ANKS1B: variants seen among roughly 807,000 people sequenced by gnomAD.
ANKS1B encodes ankyrin repeat and sterile alpha motif domain containing 1B, also known as ankyrin repeat and sterile alpha motif domain-containing protein 1B.
A neutral mutation model predicts 148.3 loss-of-function variants in ANKS1B; 36 were observed. That is an observed-to-expected ratio of 0.24 (90% CI 0.19 to 0.32). The LOEUF is 0.32. Ranked by LOEUF, ANKS1B falls within the 10% of genes least tolerant of loss-of-function variation. The pLI is 1.00. For synonymous variants in ANKS1B, 542 were observed against 560.8 expected, an observed-to-expected ratio of 0.97 and a Z score of 0.47; for missense variants, 1,157 against 1,542.6, an observed-to-expected ratio of 0.75 and a Z score of 4.19.
Position 99,775,635 on chromosome 12 carries a change from T to C in ANKS1B, c.874A>G (p.Thr292Ala). 2 of 1,611,168 alleles carry C rather than the reference T, an allele frequency of 1.2e-6. No individual in the cohort carries two copies. The highest frequency in any genetic ancestry group is 1.7e-6 in the Non-Finnish European group (2 of 1,177,876). Reference sequence around the variant, plus strand: ...TCCTGTACAGGCTCTTCGAGGACTGTAGATCTTCCCACGCCTTCTAAATAC... The same window carrying C: ...TCCTGTACAGGCTCTTCGAGGACTGCAGATCTTCCCACGCCTTCTAAATAC... ...QEYLEGVGRS[T>A]VLEEPVQEDA... is the part of the protein sequence containing the mutation. The change falls in exon 7 of 27, where the codon ACA becomes GCA. Residue 292 changes from threonine to alanine, a missense_variant. Thr to Ala is a moderately conservative substitution (Grantham distance 58, BLOSUM62 0). Transcript: ENST00000683438.
intron 15 of ANKS1B, among the ~76,000 whole-genome samples, chr12:99,094,612 G>T (rs2055267373): frequency 6.6e-6 from 1 of 152,182 alleles, no homozygotes; most frequent in South Asian, 2.1e-4. Context: ...TGTGAGAAGA[G>T]CTGTTACAAG....
At chr12:99,050,944 G>A (rs1021110266) in intron 17 of ANKS1B, among the ~76,000 whole-genome samples, 20 of 151,522 alleles carry the variant, frequency 1.3e-4, no homozygotes, top group South Asian at 2.1e-4. Flanking sequence ...TGATCCGCCC[G>A]CCTCGACCTC....
chr12:99,095,331 G>A (rs2055611716), intron 15 of ANKS1B, among the ~76,000 whole-genome samples: 1 of 152,120 alleles, frequency 6.6e-6, no homozygotes, highest in Non-Finnish European at 1.5e-5. Context: ...TTGAACATGT[G>A]ACAGAAGTTG....
chr12:99,400,247 T>C lies in ANKS1B; in HGVS notation c.1576-436A>G, dbSNP rs545175959. Among the ~76,000 whole-genome samples, 9 of 113,664 alleles carry C rather than the reference T, an allele frequency of 7.9e-5. 1 individual carries two copies. The highest frequency in any genetic ancestry group is 1.4e-4 in the Non-Finnish European group (7 of 51,198). 74.6% of individuals were successfully genotyped at this position (113,664 alleles called of 152,430 possible). A position where few individuals can be genotyped will look rare whatever the true frequency, so the allele number is the denominator to read the frequency against. On this transcript the variant is annotated intron_variant, in intron 11 of 26. Transcript: ENST00000683438. Reference sequence around the variant, plus strand: ...AGAATAATTAAGGCAGTTCCATTTTTTTATTCTTTAAATAGTCCAAGGAAT... The same window carrying C: ...AGAATAATTAAGGCAGTTCCATTTTCTTATTCTTTAAATAGTCCAAGGAAT...
At chr12:99,682,359 T>C (rs1337077766) in intron 8 of ANKS1B, among the ~76,000 whole-genome samples, 1 of 152,174 alleles carries the variant, frequency 6.6e-6, no homozygotes, top group African/African-American at 2.4e-5. Context: ...CCATATATGA[T>C]AGGCCACAAA....
chr12:99,655,282 CTATAAAT>C, intron 8 of ANKS1B, 72 bp from the exon 9 acceptor site: 1 of 1,334,372 alleles, frequency 7.5e-7, no homozygotes, highest in Non-Finnish European at 1.0e-6. Context: ...CAATTAAATT[CTATAAAT>C]GACAGTGGTA....
intron 8 of ANKS1B, among the ~76,000 whole-genome samples, chr12:99,716,238 T>C (rs567491119): frequency 6.6e-6 from 1 of 151,878 alleles, no homozygotes; most frequent in East Asian, 1.9e-4. Flanking sequence ...CAATTCCTTA[T>C]TTCCATGCCC....
At chr12:99,719,945 C>T (rs192862389) in intron 8 of ANKS1B, among the ~76,000 whole-genome samples, 8 of 152,282 alleles carry the variant, frequency 5.3e-5, no homozygotes, top group South Asian at 2.1e-4. Context: ...CCTACTCCCC[C>T]GCTGAAACTT....
intron 12 of ANKS1B, among the ~76,000 whole-genome samples, chr12:99,319,890 G>A (rs575252060): frequency 1.6e-3 from 250 of 152,272 alleles, no homozygotes; most frequent in Non-Finnish European, 2.9e-3. Flanking sequence ...AGGCCTAGTG[G>A]TGACAAAGTC....
At chr12:99,923,605 A>G (rs1487830865) in intron 1 of ANKS1B, among the ~76,000 whole-genome samples, 1 of 152,222 alleles carries the variant, frequency 6.6e-6, no homozygotes, top group Non-Finnish European at 1.5e-5. Context: ...AAAAAAGGAA[A>G]GAACATATTC....
intron 12 of ANKS1B, among the ~76,000 whole-genome samples, chr12:99,393,127 T>C (rs1466211517): frequency 1.3e-5 from 2 of 151,708 alleles, no homozygotes; most frequent in Non-Finnish European, 2.9e-5. Context: ...GATAGATAGA[T>C]AGACAGATAG....
intron 14 of ANKS1B, among the ~76,000 whole-genome samples, chr12:99,183,227 G>T (rs1323051571): frequency 6.6e-6 from 1 of 152,180 alleles, no homozygotes; most frequent in Non-Finnish European, 1.5e-5. Flanking sequence ...GGATGATCTA[G>T]ATATCACAAG....
intron 8 of ANKS1B, among the ~76,000 whole-genome samples, chr12:99,667,427 T>A (rs1006433567): frequency 3.3e-5 from 5 of 152,036 alleles, no homozygotes; most frequent in South Asian, 2.1e-4. Flanking sequence ...AAAAAAAAAA[T>A]TTGATTTTTA....
chr12:99,885,033 T>A (rs1365257939), intron 1 of ANKS1B, among the ~76,000 whole-genome samples: 1 of 152,058 alleles, frequency 6.6e-6, no homozygotes, highest in Non-Finnish European at 1.5e-5. Flanking sequence ...TTCCCCCAAT[T>A]TTTAAAATGA....
At chr12:98,776,467 A>G (rs977791424) in intron 24 of ANKS1B, among the ~76,000 whole-genome samples, 3 of 152,194 alleles carry the variant, frequency 2.0e-5, no homozygotes, top group Non-Finnish European at 4.4e-5. Flanking sequence ...TTGGGGATAG[A>G]AATTCTGGCA....
At chr12:99,226,965 C>T (rs1308445596) in intron 14 of ANKS1B, among the ~76,000 whole-genome samples, 1 of 152,148 alleles carries the variant, frequency 6.6e-6, no homozygotes, top group African/African-American at 2.4e-5. Flanking sequence ...AAGCAGACAT[C>T]ATGATGGGGA....
At chr12:99,320,675 T>A (rs2085084631) in intron 12 of ANKS1B, among the ~76,000 whole-genome samples, 1 of 152,216 alleles carries the variant, frequency 6.6e-6, no homozygotes, top group African/African-American at 2.4e-5. Flanking sequence ...TTATTACTGA[T>A]CATCTGAAGC....
intron 12 of ANKS1B, among the ~76,000 whole-genome samples, chr12:99,357,633 T>C (rs914261259): frequency 6.6e-6 from 1 of 152,170 alleles, no homozygotes; most frequent in African/African-American, 2.4e-5. Context: ...GAGATGTAAT[T>C]GCCTTGGTGG....
chr12:98,837,247 G>A (rs2099374075), intron 17 of ANKS1B, among the ~76,000 whole-genome samples: 1 of 151,182 alleles, frequency 6.6e-6, no homozygotes, highest in Admixed American at 6.6e-5. Context: ...CGAGGCAGGA[G>A]AATCACTTGA....
Sources: gnomAD v4.1 joint callset for allele counts (sites outside exome capture counted in the v4.1 genomes callset) on GRCh38, gnomAD v4.1.1 for gene constraint, MANE v1.5 for transcripts, NCBI Gene and HGNC (gene_info 2026-07-23, HGNC 2026-07-21) for gene names.